The following ASPM variants were observed in gnomAD, a reference collection of about 807,000 sequenced individuals.
ASPM encodes abnormal spindle-like microcephaly-associated protein.
ASPM carries 256 observed loss-of-function variants against 366.4 expected under a neutral mutation model. The observed-to-expected ratio is 0.70, with a 90% CI of 0.63 to 0.77. The LOEUF is 0.77. Among genes scored for constraint, ASPM ranks in the 30% least tolerant of loss-of-function variants. The pLI, the probability that ASPM is intolerant of heterozygous loss-of-function variation, is 0.00. For missense variants in ASPM, 4,146 were observed against 4,090.4 expected (o/e 1.01, Z -0.37); for synonymous variants, 1,414 against 1,342.9 (o/e 1.05, Z -1.16).
intron 13 of ASPM, among the ~76,000 whole-genome samples, chr1:197,123,232 A>C (rs1346495728): frequency 6.6e-6 from 1 of 152,154 alleles, no homozygotes; most frequent in African/African-American, 2.4e-5. Flanking sequence ...CACCAACAAA[A>C]AGCACAAAAA....
intron 7 of ASPM, among the ~76,000 whole-genome samples, chr1:197,131,699 C>T (rs944671394): frequency 1.3e-5 from 2 of 152,068 alleles, no homozygotes; most frequent in Non-Finnish European, 2.9e-5. Context: ...GCTGGGACTA[C>T]ACGCGCCCAC....
chr1:197,086,090 A>G (rs1407042934), intron 27 of ASPM, among the ~76,000 whole-genome samples: 1 of 152,170 alleles, frequency 6.6e-6, no homozygotes, highest in African/African-American at 2.4e-5. Flanking sequence ...CATAAAACCA[A>G]TTTATAACTA....
chr1:197,103,133 T>C lies in ASPM; in HGVS notation c.6118A>G (p.Ile2040Val). ...ACTGCTGCTTTGTTGCAATCCTTTA[T>C]TCTTTTTCTCACTTTCATACCACGA... ...AYRGMKVRKR[I>V]KDCNKAAVTI... Residue 2040 changes from isoleucine (I) to valine (V), a missense_variant, in exon 18 of 28, where the codon ATA becomes GTA. Transcript: ENST00000367409. 1.2e-6 allele frequency: 2 copies of C among 1,612,820 alleles called. No homozygotes were observed. The highest frequency in any genetic ancestry group is 8.5e-7 in the Non-Finnish European group (1 of 1,179,340).
chr1:197,121,867 C>G (rs1237558105), intron 16 of ASPM, 48 bp downstream of exon 16: 1 of 1,552,302 alleles, frequency 6.4e-7, no homozygotes, highest in South Asian at 1.1e-5. Context: ...CAACAAATAC[C>G]TTCTAAAGTA....
chr1:197,114,894 A>T (rs1306338165), intron 17 of ASPM, among the ~76,000 whole-genome samples: 1 of 152,060 alleles, frequency 6.6e-6, no homozygotes, highest in African/African-American at 2.4e-5. Flanking sequence ...GATTACAGGC[A>T]TGCACCCCCA....
In ASPM at chr1:197,143,657, C is replaced by T. The variant is rs1238873563; in HGVS notation, c.595G>A (p.Ala199Thr). 6.2e-7 allele frequency: 1 copy of T among 1,613,472 alleles called. No individual in the cohort carries two copies. Among genetic ancestry groups the T allele is most frequent in the Non-Finnish European group, 8.5e-7 (1 of 1,179,912 alleles). Residue 199 changes from alanine to threonine, a missense_variant, in exon 3 of 28, where the codon GCT (alanine) becomes ACT (threonine). Physicochemically the swap from Ala to Thr is moderately conservative, Grantham distance 58 (BLOSUM62 0). Coordinates refer to ENST00000367409, the MANE Select transcript of ASPM (RefSeq NM_018136.5). ...RSPLQACENLAMNEGGPPTEN... is the reference protein window; with the variant it reads ...RSPLQACENLTMNEGGPPTEN... ...GTTGGGGGACCGCCTTCATTCATAG[C>T]CAAGTTTTCACAAGCTTGTAGTGGG... is the stretch of plus-strand genomic sequence containing the variant.
chr1:197,104,892 A>G lies in ASPM; in HGVS notation c.4359T>C (p.Phe1453=). The G allele has an allele frequency of 6.2e-7, 1 of 1,609,592 alleles. No homozygotes were observed. Among genetic ancestry groups the G allele is most frequent in the Non-Finnish European group, 8.5e-7 (1 of 1,178,560 alleles). ...VKATVILQRA[F]REWHLRKQAK... is the part of the protein sequence containing the mutation. The stretch of plus-strand genomic sequence containing the variant: ...CTTGTTTTCTTAAATGCCATTCTCT[A>G]AAAGCTCTTTGCAATATTACTGTAG... Residue 1453 remains phenylalanine, a synonymous_variant, in exon 18 of 28, where the codon TTT becomes TTC. Coordinates refer to ENST00000367409, the MANE Select transcript of ASPM (RefSeq NM_018136.5).
chr1:197,105,368 G>A (rs1012493636), intron 17 of ASPM, among the ~76,000 whole-genome samples, 183 bp from the exon 18 acceptor site: 6 of 151,924 alleles, frequency 3.9e-5, no homozygotes, highest in African/African-American at 1.4e-4. Context: ...TGATATACCT[G>A]TAGCCAATTC....
In ASPM at chr1:197,102,588, T is replaced by C; in HGVS notation, c.6663A>G (p.Gln2221=). ...KLKKITKTVQ[Q]RYWAMKERNI... ...TTCTTTCTTTCATTGCCCAGTATCT[T>C]TGCTGTACTGTTTTTGTTATTTTCT... is the stretch of plus-strand genomic sequence containing the variant. The change falls in exon 18 of 28, where the codon CAA becomes CAG. Residue 2221 remains glutamine, a synonymous_variant. Transcript: ENST00000367409. 1 of 1,612,448 alleles carries C rather than the reference T, an allele frequency of 6.2e-7. No individual in the cohort carries two copies. The highest frequency in any genetic ancestry group is 8.5e-7 in the Non-Finnish European group (1 of 1,179,154).
rs752109968 is a variant in ASPM at position 197,143,642 on chromosome 1, C to T, written c.610G>A (p.Gly204Ser). The T allele has an allele frequency of 1.2e-5, 19 of 1,613,010 alleles. No individual in the cohort carries two copies. The highest frequency in any genetic ancestry group is 8.0e-5 in the African/African-American group (6 of 74,836). The change falls in exon 3 of 28, where the codon GGT becomes AGT. Residue 204 changes from glycine to serine, a missense_variant. Physicochemically the swap from Gly to Ser is moderately conservative, Grantham distance 56. Coordinates refer to ENST00000367409, the MANE Select transcript of ASPM (RefSeq NM_018136.5). ...AAAGAATTGTTTTCTGTTGGGGGAC[C>T]GCCTTCATTCATAGCCAAGTTTTCA... ...ACENLAMNEGGPPTENNSLIL... is the reference protein window; with the variant it reads ...ACENLAMNEGSPPTENNSLIL...
chr1:197,123,048 A>G (rs968506005), intron 13 of ASPM, among the ~76,000 whole-genome samples: 3 of 152,198 alleles, frequency 2.0e-5, no homozygotes, highest in Non-Finnish European at 4.4e-5. Context: ...AACCTTGTTC[A>G]CAGGTGTTTC....
At chr1:197,089,812 T>G (rs1020597045) in intron 25 of ASPM, 118 bp downstream of exon 25, 5 of 975,482 alleles carry the variant, frequency 5.1e-6, no homozygotes, top group Non-Finnish European at 7.9e-6. Context: ...CTAAGACTCT[T>G]GCACATAAAT....
Position 197,143,679 on chromosome 1 carries a change from T to G in ASPM, c.573A>C (p.Pro191=), listed in dbSNP as rs763655631. The change falls in exon 3 of 28, where the codon CCA becomes CCC. Residue 191 remains proline, a synonymous_variant. Coordinates refer to ENST00000367409, the MANE Select transcript of ASPM (RefSeq NM_018136.5). ...VSQKVDRVRS[P]LQACENLAMN... ...TAGCCAAGTTTTCACAAGCTTGTAG[T>G]GGGCTCCTAACTCTGTCAACTTTTT... 2.5e-6 allele frequency: 4 copies of G among 1,613,926 alleles called. No individual in the cohort carries two copies. Among genetic ancestry groups the G allele is most frequent in the Non-Finnish European group, 2.5e-6 (3 of 1,179,922 alleles).
At chr1:197,137,249 C>A (rs1431555486) in intron 4 of ASPM, among the ~76,000 whole-genome samples, 2 of 152,116 alleles carry the variant, frequency 1.3e-5, no homozygotes, top group Non-Finnish European at 1.5e-5. Flanking sequence ...TTAATTTATG[C>A]ATATAGCATA....
At position 197,105,067 on chromosome 1, in the gene ASPM, C is replaced by T. The variant is rs1376545242; in HGVS notation, c.4184G>A (p.Trp1395Ter). ...IAVTSYKRYL[W>*]ATVTIQRHWR... ...ATGCCTCTGAATTGTAACTGTAGCCCAAAGATATCGTTTATAAGATGTAAC... is the reference window on the plus strand; with the variant it reads ...ATGCCTCTGAATTGTAACTGTAGCCTAAAGATATCGTTTATAAGATGTAAC... The change falls in exon 18 of 28, where the codon TGG becomes TAG. Residue 1395 changes from tryptophan to a stop codon, truncating the protein, a stop_gained. Transcript: ENST00000367409. LOFTEE classifies it high-confidence loss of function. The T allele has an allele frequency of 1.2e-5, 19 of 1,609,726 alleles. No individual in the cohort carries two copies. The highest frequency in any genetic ancestry group is 1.4e-5 in the Non-Finnish European group (16 of 1,177,396).
intron 19 of ASPM, among the ~76,000 whole-genome samples, chr1:197,095,535 G>C (rs570764722): frequency 6.6e-6 from 1 of 151,732 alleles, no homozygotes; most frequent in Non-Finnish European, 1.5e-5. Context: ...AATTAGCATA[G>C]ACAGGTTGGT....
At chr1:197,089,887 T>G in intron 25 of ASPM, 43 bp downstream of exon 25, 1 of 1,590,194 alleles carries the variant, frequency 6.3e-7, no homozygotes, top group South Asian at 1.1e-5. Context: ...CAGGGGCATA[T>G]TTGTTGACCA....
At chr1:197,125,342 G>A (rs1222403961) in intron 10 of ASPM, 151 bp from the exon 11 acceptor site, 2 of 971,780 alleles carry the variant, frequency 2.1e-6, no homozygotes, top group Non-Finnish European at 3.1e-6. Context: ...AAACTCTGTT[G>A]CTCCATAGTC....
In ASPM at chr1:197,104,749, A is replaced by G. The variant is rs1188833061; in HGVS notation, c.4502T>C (p.Phe1501Ser). ...VVIIQKRFRC[F>S]QAQKLYKRRK... ...TCTTTTATATAACTTTTGGGCTTGA[A>G]AGCACCGAAATCTTTTCTGAATGAT... The change falls in exon 18 of 28, where the codon TTT becomes TCT. Residue 1501 changes from phenylalanine to serine, a missense_variant. Phe to Ser is a radical substitution (Grantham distance 155, BLOSUM62 -2). This residue lies in a region of ASPM where 3,624 missense variants were observed against 3,591.7 expected (regional missense o/e 1.01). Transcript: ENST00000367409. 2 of 1,603,032 alleles carry G rather than the reference A, an allele frequency of 1.2e-6. No individual in the cohort carries two copies. The highest frequency in any genetic ancestry group is 1.7e-4 in the Middle Eastern group (1 of 6,014).
Sources: gnomAD v4.1 joint callset for allele counts (sites outside exome capture counted in the v4.1 genomes callset) on GRCh38, gnomAD v4.1.1 for gene constraint, gnomAD v4.1.1 regional missense constraint, MANE v1.5 for transcripts, NCBI Gene and HGNC (gene_info 2026-07-23, HGNC 2026-07-21) for gene names.